Variants in LYSMD1 observed in about 807,000 individuals in gnomAD.
The protein encoded by LYSMD1 is lysM and putative peptidoglycan-binding domain-containing protein 1.
In LYSMD1, 9 loss-of-function variants were observed where a neutral mutation model predicts 19.3. The observed-to-expected ratio is 0.47, with a 90% CI of 0.28 to 0.81. LYSMD1 has a LOEUF of 0.81. Among genes scored for constraint, LYSMD1 ranks in the 40% least tolerant of loss-of-function variants. LYSMD1 has a pLI of 0.11. For missense variants in LYSMD1, 262 were observed against 279.8 expected, an observed-to-expected ratio of 0.94 and a Z score of 0.45; for synonymous variants, 111 against 111.7, an observed-to-expected ratio of 0.99 and a Z score of 0.04.
chr1:151,162,092 C>G lies in LYSMD1; in HGVS notation c.189G>C (p.Gln63His). 1 of 1,571,918 alleles carries G rather than the reference C, an allele frequency of 6.4e-7. No individual in the cohort carries two copies. Among genetic ancestry groups the G allele is most frequent in the Non-Finnish European group, 8.5e-7 (1 of 1,171,792 alleles). Reference sequence around the variant, plus strand: ...TATAAAGGCGGTTTGCACGTTTAATCTGTTCCATCTTAAAAAAAAAAGTCA... The same window carrying G: ...TATAAAGGCGGTTTGCACGTTTAATGTGTTCCATCTTAAAAAAAAAAGTCA... ...LALKYGVTMEQIKRANRLYTN... is the reference protein window; with the variant it reads ...LALKYGVTMEHIKRANRLYTN... The change falls in exon 2 of 3, where the codon CAG becomes CAC. Residue 63 changes from glutamine to histidine, a missense_variant. Gln to His is a conservative substitution (Grantham distance 24). Transcript: ENST00000368908.
chr1:151,149,858 T>C, the LYSMD1 span, among the ~76,000 whole-genome samples: 1,602 of 152,304 alleles, frequency 0.011, 27 homozygotes, highest in African/African-American at 0.036. Context: ...TTCCTTTCCT[T>C]ACCATTTCCT....
intron 1 of LYSMD1, among the ~76,000 whole-genome samples, chr1:151,163,144 C>A (rs1203041490): frequency 2.0e-5 from 3 of 151,992 alleles, no homozygotes; most frequent in Non-Finnish European, 2.9e-5. Flanking sequence ...TTACTTCTGC[C>A]TGAAATGCTC....
At position 151,161,856 on chromosome 1, in the gene LYSMD1, C is replaced by A. The variant is rs1683469921; in HGVS notation, c.425G>T (p.Gly142Val). ...ATGGATGGGCGTGGGGGTTTCCTGG[C>A]CAGGTGTGGGGAGGACTTCACCATT... ...RANGEVLPTP[G>V]QETPTPIHDL... The change falls in exon 2 of 3, where the codon GGC (glycine) becomes GTC (valine). Residue 142 changes from glycine to valine, a missense_variant. Physicochemically the swap from Gly to Val is moderately radical, Grantham distance 109. Transcript: ENST00000368908. The A allele has an allele frequency of 6.2e-7, 1 of 1,613,846 alleles. No individual in the cohort carries two copies. Among genetic ancestry groups the A allele is most frequent in the Admixed American group, 1.7e-5 (1 of 59,912 alleles).
the LYSMD1 span, among the ~76,000 whole-genome samples, chr1:151,151,509 G>A: frequency 5.9e-5 from 9 of 151,654 alleles, no homozygotes; most frequent in African/African-American, 1.5e-4. Context: ...ACAATAAACT[G>A]TTTATATGTT....
At chr1:151,159,171 C>A, downstream of LYSMD1, 1 of 1,614,194 alleles carries the variant, frequency 6.2e-7, no homozygotes, top group Non-Finnish European at 8.5e-7. Context: ...TGCTCACGGC[C>A]CTCTATGGGC....
chr1:151,155,175 G>GT (rs1683192525), downstream of LYSMD1, among the ~76,000 whole-genome samples: 1 of 152,074 alleles, frequency 6.6e-6, no homozygotes, highest in African/African-American at 2.4e-5. Flanking sequence ...CCTGTATTTT[G>GT]TTTTTTTCCT....
In LYSMD1 at chr1:151,160,922, C is replaced by A. The variant is rs1490056900; in HGVS notation, c.644G>T (p.Arg215Leu). The A allele has an allele frequency of 1.2e-6, 2 of 1,614,170 alleles. No individual in the cohort carries two copies. The highest frequency in any genetic ancestry group is 1.7e-6 in the Non-Finnish European group (2 of 1,180,008). Residue 215 changes from arginine (R) to leucine (L), a missense_variant, in exon 3 of 3, where the codon CGG becomes CTG. Transcript: ENST00000368908. ...TTCATCCTCCTGGTCCCGTAGTGTC[C>A]GGGTCCGAGAGGTACGGGTCAGCGG... ...PVPLTRTSRT[R>L]TLRDQEDEIF... is the part of the protein sequence containing the mutation.
Position 151,165,836 on chromosome 1 carries a change from A to G in LYSMD1, c.-578T>C. 7.0e-7 allele frequency: 1 copy of G among 1,423,932 alleles called. No individual in the cohort carries two copies. The highest frequency in any genetic ancestry group is 9.7e-7 in the Non-Finnish European group (1 of 1,030,596). 88.2% of individuals were successfully genotyped at this position (1,423,932 alleles called of 1,614,324 possible). A position where few individuals can be genotyped will look rare whatever the true frequency, so the allele number is the denominator to read the frequency against. ...TCCACATCTAGGTTGTTGTCCCTCC[A>G]AACGCCTCAGATCCGCCAAGATGCA... On this transcript the variant is annotated 5_prime_UTR_variant, in exon 1 of 3. Transcript: ENST00000368908.
At chr1:151,161,698 T>C (rs748895347) in intron 2 of LYSMD1, 38 bp downstream of exon 2, 1 of 1,588,792 alleles carries the variant, frequency 6.3e-7, no homozygotes, top group Non-Finnish European at 8.5e-7. Context: ...GATGGAGGAG[T>C]CTAGGGAGGA....
the LYSMD1 span, among the ~76,000 whole-genome samples, chr1:151,152,270 G>A: frequency 2.0e-5 from 3 of 151,936 alleles, no homozygotes; most frequent in Non-Finnish European, 1.5e-5. Context: ...GGTAGCGCGC[G>A]CCTGTAATCC....
chr1:151,162,794 G>A (rs910222640), intron 1 of LYSMD1, among the ~76,000 whole-genome samples: 7 of 152,048 alleles, frequency 4.6e-5, no homozygotes, highest in African/African-American at 1.7e-4. Flanking sequence ...TCTCACATCT[G>A]GTCTCACCTT....
At chr1:151,150,693 TA>T in the LYSMD1 span, among the ~76,000 whole-genome samples, 1 of 152,046 alleles carries the variant, frequency 6.6e-6, no homozygotes, top group Non-Finnish European at 1.5e-5. Context: ...AATGAATGGA[TA>T]GTTTCACTTC....
rs774690280 is a variant in LYSMD1 at position 151,161,014 on chromosome 1, A to C, written c.552T>G (p.Pro184=). Residue 184 remains proline (P), a synonymous_variant, in exon 3 of 3, where the codon CCT becomes CCG. Coordinates refer to ENST00000368908, the MANE Select transcript of LYSMD1 (RefSeq NM_212551.5). Reference sequence around the variant, plus strand: ...TCAGGTGGAGACCTGCATCCTCCCCAGGTACCCTGCAATTGAGGAAAGGGG... The same window carrying C: ...TCAGGTGGAGACCTGCATCCTCCCCCGGTACCCTGCAATTGAGGAAAGGGG... ...QKLKKGENGV[P]GEDAGLHLSS... 1.2e-6 allele frequency: 2 copies of C among 1,613,814 alleles called. No homozygotes were observed. Among genetic ancestry groups the C allele is most frequent in the Non-Finnish European group, 8.5e-7 (1 of 1,179,712 alleles).
chr1:151,165,749 T>C lies in LYSMD1; in HGVS notation c.-491A>G. 1 of 1,551,664 alleles carries C rather than the reference T, an allele frequency of 6.4e-7. No homozygotes were observed. Among genetic ancestry groups the C allele is most frequent in the Admixed American group, 2.0e-5 (1 of 51,006 alleles). On this transcript the variant is annotated 5_prime_UTR_variant, in exon 1 of 3. Transcript: ENST00000368908. ...GATTGCAAGAATTTGTAGTACACCT[T>C]CCACTCAGAGATCCTCAAAGGTCCG... is the stretch of plus-strand genomic sequence containing the variant.
At chr1:151,156,097 T>C (rs370547202), downstream of LYSMD1, among the ~76,000 whole-genome samples, 44 of 64,462 alleles carry the variant, frequency 6.8e-4, no homozygotes, top group African/African-American at 2.9e-3. Context: ...CAAAACTCTG[T>C]CTCAAAAAAA....
At chr1:151,150,735 TC>T in the LYSMD1 span, among the ~76,000 whole-genome samples, 3,142 of 142,882 alleles carry the variant, frequency 0.022, 117 homozygotes, top group African/African-American at 0.082. Flanking sequence ...TCTTTTCTTT[TC>T]TTTTTTTTTT....
At chr1:151,163,878 T>TTG (rs57906452) in intron 1 of LYSMD1, among the ~76,000 whole-genome samples, 11,813 of 141,880 alleles carry the variant, frequency 0.083, 660 homozygotes, top group African/African-American at 0.17. Context: ...TTTCCTATCT[T>TTG]TGTGTGTGTG....
downstream of LYSMD1, chr1:151,158,720 G>A: frequency 6.2e-7 from 1 of 1,608,156 alleles, no homozygotes; most frequent in Non-Finnish European, 8.5e-7. Flanking sequence ...AGCTCAAAGA[G>A]CCTGGCACTG....
At chr1:151,150,053 C>T in the LYSMD1 span, among the ~76,000 whole-genome samples, 5 of 152,094 alleles carry the variant, frequency 3.3e-5, no homozygotes, top group Non-Finnish European at 7.3e-5. Context: ...TGTATGCAGT[C>T]CCTGGTTGTC....
Sources: allele counts gnomAD v4.1 joint callset (sites outside exome capture counted in the v4.1 genomes callset), GRCh38; gene constraint gnomAD v4.1.1; transcripts MANE v1.5; gene names NCBI Gene and HGNC (gene_info 2026-07-23, HGNC 2026-07-21).